Variants in TRAF2 observed in about 807,000 individuals in gnomAD.
TRAF2 encodes the protein TNF receptor associated factor 2.
A neutral mutation model predicts 55.6 loss-of-function variants in TRAF2; 6 were observed. The ratio of observed to expected loss-of-function variants is 0.11; its 90% confidence interval spans 0.06 to 0.21. TRAF2 has a LOEUF of 0.21. TRAF2 is among the 10% of genes least tolerant of loss of function. The pLI is 1.00. For synonymous variants in TRAF2, 329 were observed against 276.3 expected, an observed-to-expected ratio of 1.19 and a Z score of -1.89; for missense variants, 561 against 684.5, an observed-to-expected ratio of 0.82 and a Z score of 2.01.
chr9:136,911,769 C>A (rs938553491), intron 6 of TRAF2, among the ~76,000 whole-genome samples: 2 of 151,700 alleles, frequency 1.3e-5, no homozygotes, highest in African/African-American at 4.8e-5. Context: ...GCCCCCTGGC[C>A]CGTTCCAGAG....
rs971273012 is a variant in TRAF2 at position 136,923,859 on chromosome 9, C to T, written c.1146C>T (p.Tyr382=). The change falls in exon 10 of 11, where the codon TAC becomes TAT. Residue 382 remains tyrosine (Y), a synonymous_variant. Transcript: ENST00000247668. ...RIPAIFSPAF[Y]TSRYGYKMCL... ...CCCCTCCTGCCTCCCCAGCCTTCTA[C>T]ACCAGCAGGTACGGCTACAAGATGT... The T allele has an allele frequency of 1.2e-6, 2 of 1,613,362 alleles. No homozygotes were observed. Among genetic ancestry groups the T allele is most frequent in the African/African-American group, 1.3e-5 (1 of 74,904 alleles).
At position 136,910,861 on chromosome 9, in the gene TRAF2, A is replaced by G. The variant is rs531977622; in HGVS notation, c.603+867A>G. Among the ~76,000 whole-genome samples, 27 of 152,308 alleles carry G rather than the reference A, an allele frequency of 1.8e-4. No individual in the cohort carries two copies. The South Asian group carries it at 5.6e-3, about 32-fold the overall frequency. ...TCACCTCTTTCCACTTGTCTGTTAA[A>G]TGTCCCGCACTGTGAGCTTGGCCGA... On this transcript the variant is annotated intron_variant, in intron 6 of 10. Transcript: ENST00000247668.
chr9:136,921,683 C>G (rs560622332), intron 9 of TRAF2, among the ~76,000 whole-genome samples: 1 of 147,750 alleles, frequency 6.8e-6, no homozygotes, highest in East Asian at 2.0e-4. Context: ...GGGTGTTTCT[C>G]ACACTCCCCC....
At chr9:136,900,025 G>A (rs1285889343) in intron 3 of TRAF2, among the ~76,000 whole-genome samples, 1 of 152,110 alleles carries the variant, frequency 6.6e-6, no homozygotes, top group Non-Finnish European at 1.5e-5. Flanking sequence ...AAATTAGCCG[G>A]GTGTGGTGGC....
intron 4 of TRAF2, 143 bp from the exon 5 acceptor site, chr9:136,907,927 G>A (rs1849994279): frequency 1.0e-6 from 1 of 1,001,126 alleles, no homozygotes; most frequent in Admixed American, 2.3e-5. Context: ...TGGGAGCCCT[G>A]AGAGCTATCT....
intron 9 of TRAF2, among the ~76,000 whole-genome samples, chr9:136,923,121 G>C (rs4880075): frequency 0.83 from 125,743 of 152,096 alleles, 52,015 homozygotes; most frequent in East Asian, 0.87. Flanking sequence ...TGGGAAGGAA[G>C]TCGACTCTTC....
intron 1 of TRAF2, among the ~76,000 whole-genome samples, chr9:136,888,621 A>G (rs1261446522): frequency 6.6e-6 from 1 of 152,232 alleles, no homozygotes; most frequent in African/African-American, 2.4e-5. Context: ...TGACCCCTGC[A>G]GCGGCCAGGT....
intron 8 of TRAF2, 48 bp downstream of exon 8, chr9:136,920,563 G>A (rs1850360372): frequency 6.4e-7 from 1 of 1,552,724 alleles, no homozygotes; most frequent in African/African-American, 1.4e-5. Context: ...GTGTAAAGGG[G>A]GATAGTGTTC....
At chr9:136,909,667 A>G (rs183990812) in intron 5 of TRAF2, among the ~76,000 whole-genome samples, 50 of 152,238 alleles carry the variant, frequency 3.3e-4, no homozygotes, top group African/African-American at 9.9e-4. Context: ...GTGGCTTCCA[A>G]ATCTCCTCTG....
At chr9:136,923,741 A>T in intron 9 of TRAF2, 111 bp from the exon 10 acceptor site, 1 of 1,125,724 alleles carries the variant, frequency 8.9e-7, no homozygotes. Context: ...CCAGAACCTG[A>T]ATGTTTCTTT....
At chr9:136,911,445 G>A (rs1850104896) in intron 6 of TRAF2, among the ~76,000 whole-genome samples, 2 of 152,136 alleles carry the variant, frequency 1.3e-5, no homozygotes, top group South Asian at 2.1e-4. Flanking sequence ...TGTATTTTCA[G>A]TAGAGATGGG....
At chr9:136,907,818 C>T (rs1401999350) in intron 4 of TRAF2, among the ~76,000 whole-genome samples, 1 of 152,090 alleles carries the variant, frequency 6.6e-6, no homozygotes, top group African/African-American at 2.4e-5. Flanking sequence ...GGCATCCACA[C>T]AGAGACCCCC....
chr9:136,914,836 A>G (rs1850202625), intron 6 of TRAF2, among the ~76,000 whole-genome samples: 1 of 151,704 alleles, frequency 6.6e-6, no homozygotes, highest in African/African-American at 2.4e-5. Context: ...TCAGTATTCC[A>G]CGGAGGCCCA....
chr9:136,924,883 C>T (rs934103264), intron 10 of TRAF2, among the ~76,000 whole-genome samples: 2 of 151,992 alleles, frequency 1.3e-5, no homozygotes, highest in Non-Finnish European at 1.5e-5. Context: ...GGACTACAGG[C>T]ATGCACCACC....
upstream of TRAF2, among the ~76,000 whole-genome samples, chr9:136,884,110 G>T (rs904770831): frequency 6.6e-6 from 1 of 151,844 alleles, no homozygotes. Flanking sequence ...CACCGCGCCC[G>T]GCCTTTTGTA....
At chr9:136,890,765 C>T (rs1442548712) in intron 1 of TRAF2, among the ~76,000 whole-genome samples, 1 of 152,168 alleles carries the variant, frequency 6.6e-6, no homozygotes, top group Admixed American at 6.5e-5. Flanking sequence ...CCTCAGGGTC[C>T]CCTGACCGGG....
chr9:136,913,677 A>G (rs555303724), intron 6 of TRAF2, among the ~76,000 whole-genome samples: 1 of 152,184 alleles, frequency 6.6e-6, no homozygotes, highest in South Asian at 2.1e-4. Flanking sequence ...CATTTGCTTC[A>G]GGTTCTTTTA....
In TRAF2 at chr9:136,908,046, G is replaced by A. The variant is rs573969343; in HGVS notation, c.367-24G>A. On this transcript the variant is annotated intron_variant, in intron 4 of 10. Coordinates refer to ENST00000247668, the MANE Select transcript of TRAF2 (RefSeq NM_021138.4). ...CCAAATGTCCCACGCGAGTTCTACT[G>A]ACGCTTCCTCCTTTCGTTGCTAGAG... is the stretch of plus-strand genomic sequence containing the variant. 9.4e-6 allele frequency: 15 copies of A among 1,589,230 alleles called. No homozygotes were observed. In the South Asian group the frequency reaches 1.6e-4, roughly 17 times the overall value.
At chr9:136,911,357 T>C (rs1288641135) in intron 6 of TRAF2, among the ~76,000 whole-genome samples, 1 of 147,452 alleles carries the variant, frequency 6.8e-6, no homozygotes, top group Non-Finnish European at 1.5e-5. Context: ...CTCTGCCTCC[T>C]GGGTTCAGGT....
Sources: gnomAD v4.1 joint callset for allele counts (sites outside exome capture counted in the v4.1 genomes callset) on GRCh38, gnomAD v4.1.1 for gene constraint, MANE v1.5 for transcripts, NCBI Gene and HGNC (gene_info 2026-07-23, HGNC 2026-07-21) for gene names.